Variants in DYM observed in about 807,000 individuals in gnomAD.
DYM encodes the protein dymeclin.
Under a neutral mutation model 93.1 loss-of-function variants are expected in DYM, and 78 were observed. That is an observed-to-expected ratio of 0.84 (90% confidence interval 0.70 to 1.01). The LOEUF (loss-of-function observed/expected upper bound fraction) is 1.01. DYM is among the 50% of genes least tolerant of loss of function. The probability of loss-of-function intolerance (pLI) is 0.00; values close to 1 mark genes in which losing one functional copy is unlikely to be tolerated. For synonymous variants in DYM, 321 were observed against 319.7 expected, an observed-to-expected ratio of 1.00 and a Z score of -0.04; for missense variants, 789 against 845.0, an observed-to-expected ratio of 0.93 and a Z score of 0.82.
At chr18:49,045,982 T>C (rs2071445443) in intron 17 of DYM, among the ~76,000 whole-genome samples, 1 of 152,006 alleles carries the variant, frequency 6.6e-6, no homozygotes, top group Admixed American at 6.6e-5. Context: ...AGGAGCCTAG[T>C]CCAGGGAAGG....
intron 17 of DYM, among the ~76,000 whole-genome samples, chr18:49,051,755 T>C (rs916464791): frequency 3.9e-5 from 6 of 152,066 alleles, no homozygotes; most frequent in Admixed American, 3.3e-4. Flanking sequence ...TGGGCTGAGG[T>C]TCCAGGCGCT....
chr18:49,455,732 A>C (rs1362590464), intron 1 of DYM, among the ~76,000 whole-genome samples: 2 of 152,154 alleles, frequency 1.3e-5, no homozygotes, highest in Non-Finnish European at 2.9e-5. Context: ...TGGGTGGATC[A>C]CCTGAGGTCA....
chr18:49,413,246 T>C (rs7505245), intron 2 of DYM: 142,876 of 152,270 alleles, frequency 0.94, 67,107 homozygotes, highest in East Asian at 1. Context: ...GGTCCTTACT[T>C]GCTACTCACT....
intron 17 of DYM, among the ~76,000 whole-genome samples, chr18:49,063,619 C>CTTTTTTTTTT: frequency 1.4e-5 from 1 of 71,966 alleles, no homozygotes; most frequent in East Asian, 3.8e-4. Flanking sequence ...CTTTCTCTCT[C>CTTTTTTTTTT]TTTTTTTTTT....
intron 1 of DYM, among the ~76,000 whole-genome samples, chr18:49,459,801 T>G (rs1251823392): frequency 6.6e-6 from 1 of 151,994 alleles, no homozygotes; most frequent in East Asian, 1.9e-4. Flanking sequence ...ACACCCACCC[T>G]TTCACTTTTC....
At chr18:49,177,111 A>C (rs1184463662) in intron 14 of DYM, among the ~76,000 whole-genome samples, 13 of 152,168 alleles carry the variant, frequency 8.5e-5, no homozygotes, top group Non-Finnish European at 4.4e-5. Flanking sequence ...AGTGTCACTA[A>C]TTTATGGGAA....
At chr18:49,423,447 G>T (rs2073941324) in intron 2 of DYM, among the ~76,000 whole-genome samples, 1 of 152,180 alleles carries the variant, frequency 6.6e-6, no homozygotes, top group Non-Finnish European at 1.5e-5. Flanking sequence ...AAGCAGGAAA[G>T]ATCTAAAATT....
Position 49,262,485 on chromosome 18 carries a change from C to T in DYM, c.1252-3992G>A, listed in dbSNP as rs147081294. Among the ~76,000 whole-genome samples, 24 of 152,314 alleles carry T rather than the reference C, an allele frequency of 1.6e-4. No individual in the cohort carries two copies. In the East Asian group the frequency reaches 4.6e-3, roughly 29 times the overall value. ...TAACTGTGGTGGTCAGTTACAGTAGCTCTAAGAAACTAACACACATCTGGT... is the reference window on the plus strand; with the variant it reads ...TAACTGTGGTGGTCAGTTACAGTAGTTCTAAGAAACTAACACACATCTGGT... On this transcript the variant is annotated intron_variant, in intron 11 of 17. Transcript: ENST00000675505.
chr18:49,112,294 G>C (rs905887477), intron 16 of DYM, among the ~76,000 whole-genome samples: 4 of 152,186 alleles, frequency 2.6e-5, no homozygotes, highest in Non-Finnish European at 5.9e-5. Context: ...AAAACAGCCT[G>C]TGAGTGCAAA....
intron 8 of DYM, among the ~76,000 whole-genome samples, chr18:49,330,241 T>C (rs1377418887): frequency 6.6e-6 from 1 of 152,166 alleles, no homozygotes. Flanking sequence ...TATAGCACAC[T>C]AAAAACCATA....
At position 49,085,606 on chromosome 18, in the gene DYM, CTTTTTTTT is replaced by C. The variant is rs11437833; in HGVS notation, c.2025+11788_2025+11795del. 9.1e-4 allele frequency among the ~76,000 whole-genome samples: 93 copies of C among 102,170 alleles called. No homozygotes were observed. The East Asian group carries it at 0.02, about 21-fold the overall frequency. The allele number at this position is 102,170 out of a possible 152,430, so 67.0% of individuals were successfully genotyped here. On this transcript the variant is annotated intron_variant, in intron 17 of 17. Coordinates refer to ENST00000675505, the MANE Select transcript of DYM (RefSeq NM_001353214.3). ...GGCAGATGAATAAGGACAACTGGTC[CTTTTTTTT>C]TTTTTTTTTTTTTGATGGAGTCTCA... is the stretch of plus-strand genomic sequence containing the variant.
At chr18:49,166,326 CAT>C (rs965161205) in intron 14 of DYM, among the ~76,000 whole-genome samples, 5 of 152,284 alleles carry the variant, frequency 3.3e-5, no homozygotes, top group East Asian at 1.9e-4. Context: ...TCAACAAACA[CAT>C]GAGTGTTTAC....
chr18:49,267,284 A>G (rs925030888), intron 11 of DYM, among the ~76,000 whole-genome samples: 1 of 152,144 alleles, frequency 6.6e-6, no homozygotes, highest in Non-Finnish European at 1.5e-5. Context: ...AAATGTACAA[A>G]TTCCTCAGAA....
At chr18:49,327,194 C>A (rs976094507) in intron 8 of DYM, among the ~76,000 whole-genome samples, 1 of 151,674 alleles carries the variant, frequency 6.6e-6, no homozygotes, top group African/African-American at 2.4e-5. Context: ...ATTTTGGGGA[C>A]TTTTCTATAT....
intron 15 of DYM, among the ~76,000 whole-genome samples, chr18:49,162,293 G>A (rs1431496101): frequency 6.6e-6 from 1 of 152,086 alleles, no homozygotes; most frequent in African/African-American, 2.4e-5. Flanking sequence ...AAAGAAAAAG[G>A]AATTTATACA....
chr18:49,289,765 A>ACG (rs1467392489), intron 8 of DYM, among the ~76,000 whole-genome samples: 5 of 50,250 alleles, frequency 1.0e-4, no homozygotes, highest in African/African-American at 3.2e-4. Flanking sequence ...ATATATATAT[A>ACG]TATATATACA....
At chr18:49,166,944 G>A (rs1434181248) in intron 14 of DYM, among the ~76,000 whole-genome samples, 1 of 151,484 alleles carries the variant, frequency 6.6e-6, no homozygotes, top group Non-Finnish European at 1.5e-5. Flanking sequence ...AACTCAGGAG[G>A]TGCTTCCTGA....
chr18:49,354,816 C>T (rs1210554664), intron 6 of DYM, among the ~76,000 whole-genome samples: 1 of 152,116 alleles, frequency 6.6e-6, no homozygotes, highest in Non-Finnish European at 1.5e-5. Flanking sequence ...AACTCTCATT[C>T]ATTACTGGTG....
intron 1 of DYM, among the ~76,000 whole-genome samples, chr18:49,434,459 G>A (rs903661609): frequency 6.6e-6 from 1 of 152,106 alleles, no homozygotes; most frequent in East Asian, 1.9e-4. Flanking sequence ...GGCGGAGGTT[G>A]CAGTGAGCCA....
Sources: gnomAD v4.1 joint callset for allele counts (sites outside exome capture counted in the v4.1 genomes callset) on GRCh38, gnomAD v4.1.1 for gene constraint, MANE v1.5 for transcripts, NCBI Gene and HGNC (gene_info 2026-07-23, HGNC 2026-07-21) for gene names.